The following SLC4A7 variants were observed in gnomAD, a reference collection of about 807,000 sequenced individuals.
SLC4A7 encodes sodium bicarbonate cotransporter 3.
Under a neutral mutation model 137.6 loss-of-function variants are expected in SLC4A7, and 51 were observed. The observed-to-expected ratio is 0.37, with a 90% CI of 0.30 to 0.47. The LOEUF is 0.47. SLC4A7 is among the 20% of genes least tolerant of loss of function. SLC4A7 has a pLI of 1.00. For missense variants in SLC4A7, 1,247 were observed against 1,525.4 expected (o/e 0.82, Z 3.04); for synonymous variants, 542 against 518.6 (o/e 1.05, Z -0.61).
intron 19 of SLC4A7, 24 bp from the exon 20 acceptor site, chr3:27,394,793 T>C (rs757393923): frequency 6.2e-7 from 1 of 1,609,458 alleles, no homozygotes; most frequent in African/African-American, 1.3e-5. Flanking sequence ...TGAACATAAA[T>C]ATCTGTAAGT....
At chr3:27,409,009 T>TA (rs1194947937) in intron 13 of SLC4A7, among the ~76,000 whole-genome samples, 4 of 152,138 alleles carry the variant, frequency 2.6e-5, no homozygotes, top group African/African-American at 9.7e-5. Flanking sequence ...GCCCCACTGA[T>TA]AAAAACCCCC....
chr3:27,427,337 C>T (rs1231269508), intron 7 of SLC4A7, among the ~76,000 whole-genome samples: 3 of 151,220 alleles, frequency 2.0e-5, no homozygotes. Flanking sequence ...TTTTACTTTC[C>T]CTAGAGATGA....
intron 1 of SLC4A7, among the ~76,000 whole-genome samples, chr3:27,468,050 AGT>A (rs2059082624): frequency 6.6e-6 from 1 of 152,186 alleles, no homozygotes; most frequent in African/African-American, 2.4e-5. Flanking sequence ...CAGCCTCCCA[AGT>A]AGCTGGGATT....
At chr3:27,399,432 TTTTTC>T (rs2052532250) in intron 16 of SLC4A7, among the ~76,000 whole-genome samples, 1 of 152,156 alleles carries the variant, frequency 6.6e-6, no homozygotes, top group Admixed American at 6.5e-5. Flanking sequence ...GAATCTATGT[TTTTTC>T]TTTTATTTGT....
chr3:27,400,857 AGTACATACACATCTGAGAAAT>A lies in SLC4A7; in HGVS notation c.2322-9_2333del. 1 of 1,575,646 alleles carries A rather than the reference AGTACATACACATCTGAGAAAT, an allele frequency of 6.3e-7. No individual in the cohort carries two copies. On this transcript the variant is annotated splice_acceptor_variant and splice_polypyrimidine_tract_variant and coding_sequence_variant and intron_variant, in exon 16 of 26. Transcript: ENST00000454389. LOFTEE classifies it high-confidence loss of function. ...TTTCATTGCTGGGGTTTGGAGGTTCAGTACATACACATCTGAGAAATTAGAGTAGGATACATTTTTAAGGAT... is the reference window on the plus strand; with the variant it reads ...TTTCATTGCTGGGGTTTGGAGGTTCATAGAGTAGGATACATTTTTAAGGAT...
chr3:27,393,871 A>G (rs961961914), intron 20 of SLC4A7, among the ~76,000 whole-genome samples: 4 of 152,198 alleles, frequency 2.6e-5, no homozygotes, highest in African/African-American at 7.2e-5. Flanking sequence ...GGATGGAGTC[A>G]TAGGTGAAAG....
intron 22 of SLC4A7, among the ~76,000 whole-genome samples, 155 bp downstream of exon 22, chr3:27,389,776 T>C (rs2051342079): frequency 6.6e-6 from 1 of 152,150 alleles, no homozygotes; most frequent in South Asian, 2.1e-4. Context: ...GGGAAACAAC[T>C]GCTTTGTATC....
At chr3:27,439,622 T>C (rs1481721211) in intron 3 of SLC4A7, among the ~76,000 whole-genome samples, 1 of 152,200 alleles carries the variant, frequency 6.6e-6, no homozygotes, top group Non-Finnish European at 1.5e-5. Context: ...CTCTTAAGTA[T>C]TGTAGATTGC....
At chr3:27,465,124 C>T (rs1290497509) in intron 1 of SLC4A7, among the ~76,000 whole-genome samples, 3 of 151,594 alleles carry the variant, frequency 2.0e-5, no homozygotes, top group African/African-American at 4.8e-5. Flanking sequence ...ATGGTGAAAC[C>T]CTGGTTTCTA....
intron 22 of SLC4A7, among the ~76,000 whole-genome samples, chr3:27,389,105 A>G (rs1235977136): frequency 6.6e-6 from 1 of 152,110 alleles, no homozygotes; most frequent in South Asian, 2.1e-4. Flanking sequence ...TTTTTTAAAA[A>G]AAACAACTTA....
At chr3:27,409,213 C>G in intron 13 of SLC4A7, 143 bp downstream of exon 13, 2 of 589,470 alleles carry the variant, frequency 3.4e-6, no homozygotes, top group Non-Finnish European at 5.8e-6. Flanking sequence ...CAGCAATTAC[C>G]TTTGGGGAAA....
intron 11 of SLC4A7, among the ~76,000 whole-genome samples, chr3:27,413,229 C>T (rs1274439227): frequency 6.6e-6 from 1 of 152,004 alleles, no homozygotes; most frequent in African/African-American, 2.4e-5. Context: ...AAACTGACAT[C>T]AGAAAAAACA....
chr3:27,427,696 C>T (rs200191666), intron 7 of SLC4A7, among the ~76,000 whole-genome samples: 4 of 152,000 alleles, frequency 2.6e-5, no homozygotes, highest in African/African-American at 7.2e-5. Context: ...CTTTAAGCAC[C>T]GAAAGTAATT....
intron 10 of SLC4A7, among the ~76,000 whole-genome samples, chr3:27,419,604 G>C (rs1052542109): frequency 1.3e-5 from 2 of 150,896 alleles, no homozygotes; most frequent in Non-Finnish European, 3.0e-5. Flanking sequence ...CCAAAGTGCT[G>C]GGATTACAGG....
At position 27,436,514 on chromosome 3, in the gene SLC4A7, C is replaced by T. The variant is rs1359157569; in HGVS notation, c.463G>A (p.Gly155Ser). 1.1e-5 allele frequency: 17 copies of T among 1,611,670 alleles called. No individual in the cohort carries two copies. Among genetic ancestry groups the T allele is most frequent in the South Asian group, 2.2e-5 (2 of 90,676 alleles). ...ACATAAGGTTTACTCCATCGGTCAC[C>T]GCCATCTTCAACATCCTCTTCAAAT... is the stretch of plus-strand genomic sequence containing the variant. The part of the protein sequence containing the change: ...LKFEEDVEDG[G>S]DRWSKPYVAT... Residue 155 changes from glycine to serine, a missense_variant, in exon 5 of 26, where the codon GGT (glycine) becomes AGT (serine). Transcript: ENST00000454389.
At chr3:27,409,751 G>T (rs34098124) in intron 12 of SLC4A7, among the ~76,000 whole-genome samples, 27,156 of 152,054 alleles carry the variant, frequency 0.18, 2,844 homozygotes, top group Non-Finnish European at 0.25. Flanking sequence ...TGTATTTTAC[G>T]GACTATATAA....
chr3:27,476,429 A>G (rs1007020540), intron 1 of SLC4A7, among the ~76,000 whole-genome samples: 1 of 152,246 alleles, frequency 6.6e-6, no homozygotes, highest in Admixed American at 6.5e-5. Flanking sequence ...AATACCATAA[A>G]TAAAAGCCAT....
intron 18 of SLC4A7, among the ~76,000 whole-genome samples, chr3:27,397,123 G>A (rs1209908097): frequency 6.6e-6 from 1 of 152,160 alleles, no homozygotes; most frequent in East Asian, 1.9e-4. Flanking sequence ...CCGCCTCCTG[G>A]GTTCAAGCGA....
chr3:27,387,341 A>G (rs2051072183), intron 22 of SLC4A7, among the ~76,000 whole-genome samples: 1 of 152,176 alleles, frequency 6.6e-6, no homozygotes, highest in Non-Finnish European at 1.5e-5. Context: ...ACTTTTGACA[A>G]ATGTATATAC....
Sources: gnomAD v4.1 joint callset for allele counts (sites outside exome capture counted in the v4.1 genomes callset) on GRCh38, gnomAD v4.1.1 for gene constraint, MANE v1.5 for transcripts, NCBI Gene and HGNC (gene_info 2026-07-23, HGNC 2026-07-21) for gene names.